Variants in AKR1C3 observed in about 807,000 individuals in gnomAD.
AKR1C3 encodes the protein aldo-keto reductase family 1 member C3.
A neutral mutation model predicts 43.6 loss-of-function variants in AKR1C3; 48 were observed. The ratio of observed to expected loss-of-function variants is 1.10; its 90% confidence interval spans 0.87 to 1.40. The LOEUF (loss-of-function observed/expected upper bound fraction) is 1.40. Among genes scored for constraint, AKR1C3 ranks in the 40% most tolerant of loss-of-function variants. The pLI, the probability that AKR1C3 is intolerant of heterozygous loss-of-function variation, is 0.00. For synonymous variants in AKR1C3, 162 were observed against 139.6 expected (o/e 1.16, Z -1.13); for missense variants, 482 against 391.2 (o/e 1.23, Z -1.96).
chr10:5,076,699 T>A (rs1838720727), intron 1 of AKR1C3, among the ~76,000 whole-genome samples: 1 of 152,184 alleles, frequency 6.6e-6, no homozygotes. Context: ...GAAGCATCTC[T>A]TTTCATGTGT....
chr10:5,103,434 A>G (rs868976081), intron 7 of AKR1C3, among the ~76,000 whole-genome samples: 1 of 152,108 alleles, frequency 6.6e-6, no homozygotes, highest in South Asian at 2.1e-4. Flanking sequence ...CACCCTCAAC[A>G]TAGGGGTTTA....
intron 1 of AKR1C3, among the ~76,000 whole-genome samples, chr10:5,084,229 A>C (rs767231921): frequency 7.2e-5 from 11 of 152,030 alleles, no homozygotes; most frequent in Non-Finnish European, 1.6e-4. Context: ...GTAAGTCTTT[A>C]ATCCATCTTG....
At chr10:5,062,264 A>T (rs1937836) in intron 1 of AKR1C3, among the ~76,000 whole-genome samples, 34,610 of 152,112 alleles carry the variant, frequency 0.23, 4,018 homozygotes, top group East Asian at 0.38. Flanking sequence ...CAGGTCTCCC[A>T]GCATGTTTTG....
chr10:5,097,454 A>G lies in AKR1C3; in HGVS notation c.273A>G (p.Arg91=). The stretch of plus-strand genomic sequence containing the variant: ...TGCAGCTTTGGTCCACTTTTCATCG[A>G]CCAGAGTTGGTCCGACCAGCCTTGG... ...YTSKLWSTFH[R]PELVRPALEN... is the part of the protein sequence containing the mutation. The change falls in exon 3 of 9, where the codon CGA becomes CGG. Residue 91 remains arginine (R), a synonymous_variant. Transcript: ENST00000380554. 1 of 1,613,726 alleles carries G rather than the reference A, an allele frequency of 6.2e-7. No homozygotes were observed. Among genetic ancestry groups the G allele is most frequent in the Non-Finnish European group, 8.5e-7 (1 of 1,179,782 alleles).
intron 1 of AKR1C3, among the ~76,000 whole-genome samples, chr10:5,059,678 T>A (rs1361876658): frequency 1.3e-5 from 2 of 152,100 alleles, no homozygotes; most frequent in African/African-American, 4.8e-5. Flanking sequence ...AGCCCCCAAA[T>A]TCTAAGGAAA....
intron 7 of AKR1C3, among the ~76,000 whole-genome samples, chr10:5,103,177 C>A (rs12244591): frequency 6.6e-6 from 1 of 151,986 alleles, no homozygotes; most frequent in Admixed American, 6.5e-5. Context: ...TGTGAGCCAC[C>A]GCTCCTGGCC....
At chr10:5,059,870 C>T (rs1300800952) in intron 1 of AKR1C3, among the ~76,000 whole-genome samples, 1 of 152,176 alleles carries the variant, frequency 6.6e-6, no homozygotes, top group Non-Finnish European at 1.5e-5. Context: ...GGTTCTTGGT[C>T]TCACTGACTT....
chr10:5,062,939 G>A (rs1345847372), intron 1 of AKR1C3, among the ~76,000 whole-genome samples: 1 of 151,554 alleles, frequency 6.6e-6, no homozygotes, highest in African/African-American at 2.4e-5. Flanking sequence ...ACTTGGGAAT[G>A]TAAGAAAATG....
At chr10:5,063,765 CAAAAAAAAA>C (rs71391987) in intron 1 of AKR1C3, among the ~76,000 whole-genome samples, 6 of 46,426 alleles carry the variant, frequency 1.3e-4, no homozygotes, top group African/African-American at 1.7e-4. Flanking sequence ...TCTGTCTCAG[CAAAAAAAAA>C]AAAAAAAAAA....
intron 1 of AKR1C3, among the ~76,000 whole-genome samples, chr10:5,061,119 C>G (rs2131785889): frequency 6.6e-6 from 1 of 152,318 alleles, no homozygotes; most frequent in East Asian, 1.9e-4. Flanking sequence ...AAGGGCTCCT[C>G]AAGTGCAGCC....
chr10:5,083,061 A>C (rs1838869993), intron 1 of AKR1C3, among the ~76,000 whole-genome samples: 1 of 139,930 alleles, frequency 7.1e-6, no homozygotes, highest in South Asian at 2.4e-4. Flanking sequence ...CCAGGAATTT[A>C]TCTATTTTCT....
rs782167122 is a variant in AKR1C3 at position 5,102,202 on chromosome 10, C to T, written c.672C>T (p.Asp224=). Reference sequence around the variant, plus strand: ...ATAGTGCTCTGGGATCTCAACGAGACAAACGATGGTAATAAAAACAATGGG... The same window carrying T: ...ATAGTGCTCTGGGATCTCAACGAGATAAACGATGGTAATAAAAACAATGGG... ...VAYSALGSQR[D]KRWVDPNSPV... is the part of the protein sequence containing the mutation. Residue 224 remains aspartate (D), a synonymous_variant, in exon 6 of 9, where the codon GAC becomes GAT. Coordinates refer to ENST00000380554, the MANE Select transcript of AKR1C3 (RefSeq NM_003739.6). 3 of 1,612,526 alleles carry T rather than the reference C, an allele frequency of 1.9e-6. No individual in the cohort carries two copies. The highest frequency in any genetic ancestry group is 2.5e-6 in the Non-Finnish European group (3 of 1,178,896).
At chr10:5,097,572 A>G in intron 3 of AKR1C3, 22 bp downstream of exon 3, 1 of 1,612,988 alleles carries the variant, frequency 6.2e-7, no homozygotes, top group Non-Finnish European at 8.5e-7. Flanking sequence ...GTATGAGCAT[A>G]AAATTGCGCT....
chr10:5,100,365 CT>C, intron 5 of AKR1C3, among the ~76,000 whole-genome samples: 1 of 152,318 alleles, frequency 6.6e-6, no homozygotes, highest in South Asian at 2.1e-4. Context: ...CACTGAGGAA[CT>C]TTAGCAGAAC....
At chr10:5,095,552 C>A (rs1007707399) in intron 1 of AKR1C3, among the ~76,000 whole-genome samples, 2 of 150,254 alleles carry the variant, frequency 1.3e-5, no homozygotes, top group South Asian at 2.1e-4. Context: ...GTAATTTCAA[C>A]GAAACAAGAA....
chr10:5,079,355 A>G (rs1838781072), intron 1 of AKR1C3, among the ~76,000 whole-genome samples: 1 of 151,918 alleles, frequency 6.6e-6, no homozygotes, highest in Non-Finnish European at 1.5e-5. Context: ...TGCTGTTAAG[A>G]GGGGCTACAA....
intron 1 of AKR1C3, among the ~76,000 whole-genome samples, chr10:5,071,526 A>G (rs1367643416): frequency 1.3e-5 from 2 of 152,140 alleles, no homozygotes. Flanking sequence ...CTCTTCTTGA[A>G]CAGACTTTCC....
intron 1 of AKR1C3, among the ~76,000 whole-genome samples, chr10:5,053,290 A>G (rs1554779184): frequency 6.6e-6 from 1 of 152,210 alleles, no homozygotes; most frequent in African/African-American, 2.4e-5. Flanking sequence ...GCCCTGCCCC[A>G]TGGGGAGGCA....
In AKR1C3 at chr10:5,102,566, G is replaced by A. The variant is rs577693527; in HGVS notation, c.762G>A (p.Leu254=). ...AAAAGCACAAGCGAACCCCAGCCCT[G>A]ATTGCCCTGCGCTACCAGCTGCAGC... The part of the protein sequence containing the change: ...LAKKHKRTPA[L]IALRYQLQRG... Residue 254 remains leucine (L), a synonymous_variant, in exon 7 of 9, where the codon CTG becomes CTA. Transcript: ENST00000380554. The A allele has an allele frequency of 6.4e-7, 1 of 1,565,958 alleles. No homozygotes were observed. The highest frequency in any genetic ancestry group is 8.7e-7 in the Non-Finnish European group (1 of 1,153,208).
Sources: gnomAD v4.1 joint callset for allele counts (sites outside exome capture counted in the v4.1 genomes callset) on GRCh38, gnomAD v4.1.1 for gene constraint, MANE v1.5 for transcripts, NCBI Gene and HGNC (gene_info 2026-07-23, HGNC 2026-07-21) for gene names.